The following ATP8A2 variants were observed in gnomAD, a reference collection of about 807,000 sequenced individuals.
The protein encoded by ATP8A2 is ATPase phospholipid transporting 8A2.
Under a neutral mutation model 165.6 loss-of-function variants are expected in ATP8A2, and 100 were observed. That is an observed-to-expected ratio of 0.60 (90% CI 0.51 to 0.71). ATP8A2 has a LOEUF of 0.71. ATP8A2 is among the 30% of genes least tolerant of loss of function. The pLI is 0.00. For missense variants in ATP8A2, 1,227 were observed against 1,479.5 expected (o/e 0.83, Z 2.80); for synonymous variants, 543 against 548.8 (o/e 0.99, Z 0.15).
chr13:25,792,072 C>T (rs1321829518), intron 27 of ATP8A2, among the ~76,000 whole-genome samples: 3 of 151,974 alleles, frequency 2.0e-5, no homozygotes, highest in African/African-American at 4.8e-5. Flanking sequence ...TATTTGTGTC[C>T]GTGAGTATGG....
chr13:25,410,647 A>C (rs987975913), intron 1 of ATP8A2, among the ~76,000 whole-genome samples: 4 of 152,242 alleles, frequency 2.6e-5, no homozygotes, highest in African/African-American at 9.6e-5. Context: ...CTTTGCAGTA[A>C]GGGCTGGAAG....
intron 15 of ATP8A2, among the ~76,000 whole-genome samples, chr13:25,561,986 A>G (rs1031915868): frequency 1.3e-5 from 2 of 152,216 alleles, no homozygotes; most frequent in African/African-American, 4.8e-5. Flanking sequence ...ATGCGATTGC[A>G]TGTATATGCC....
chr13:25,581,792 T>G, intron 22 of ATP8A2, 27 bp from the exon 23 acceptor site: 1 of 1,609,920 alleles, frequency 6.2e-7, no homozygotes, highest in Non-Finnish European at 8.5e-7. Flanking sequence ...GTGCCAATCT[T>G]TAACTGAGGA....
chr13:25,703,613 A>T (rs1308913693), intron 25 of ATP8A2, among the ~76,000 whole-genome samples: 1 of 152,206 alleles, frequency 6.6e-6, no homozygotes, highest in African/African-American at 2.4e-5. Context: ...GCCATAAAAA[A>T]AAATAAAGTA....
At chr13:25,940,907 T>A (rs554550759) in intron 33 of ATP8A2, among the ~76,000 whole-genome samples, 1 of 152,138 alleles carries the variant, frequency 6.6e-6, no homozygotes, top group Non-Finnish European at 1.5e-5. Context: ...CAACGTGGGT[T>A]GTCAGGAGGG....
chr13:25,879,709 C>A (rs1952922370), intron 33 of ATP8A2, among the ~76,000 whole-genome samples: 1 of 152,222 alleles, frequency 6.6e-6, no homozygotes, highest in African/African-American at 2.4e-5. Context: ...AGTGGTTCTT[C>A]AAGCAGATTT....
intron 33 of ATP8A2, among the ~76,000 whole-genome samples, chr13:25,943,400 A>G (rs1327592802): frequency 6.6e-6 from 1 of 152,204 alleles, no homozygotes; most frequent in African/African-American, 2.4e-5. Context: ...CCATATTTGT[A>G]CTGTACCTTT....
intron 1 of ATP8A2, among the ~76,000 whole-genome samples, chr13:25,416,681 C>G (rs1349751556): frequency 6.6e-6 from 1 of 152,178 alleles, no homozygotes; most frequent in African/African-American, 2.4e-5. Flanking sequence ...CCAAAGCCCT[C>G]AGGAAACATT....
chr13:25,417,314 T>A (rs2034160302), intron 1 of ATP8A2, among the ~76,000 whole-genome samples: 1 of 152,188 alleles, frequency 6.6e-6, no homozygotes, highest in African/African-American at 2.4e-5. Flanking sequence ...CCAGGAATGT[T>A]TGCTCTTATT....
intron 25 of ATP8A2, among the ~76,000 whole-genome samples, chr13:25,759,698 T>C (rs1402885351): frequency 1.3e-5 from 2 of 152,216 alleles, no homozygotes; most frequent in African/African-American, 4.8e-5. Flanking sequence ...CTAATATCTT[T>C]TATTTAAATC....
chr13:25,576,485 G>A (rs1344544938), intron 19 of ATP8A2, among the ~76,000 whole-genome samples: 1 of 152,126 alleles, frequency 6.6e-6, no homozygotes, highest in Non-Finnish European at 1.5e-5. Context: ...AGAATTCATA[G>A]GCGGTGGAGA....
intron 30 of ATP8A2, among the ~76,000 whole-genome samples, chr13:25,848,112 C>A (rs61949367): frequency 0.12 from 17,901 of 152,302 alleles, 1,439 homozygotes; most frequent in Non-Finnish European, 0.18. Flanking sequence ...AGCTCCGTGG[C>A]GCTACCTGGC....
intron 18 of ATP8A2, among the ~76,000 whole-genome samples, chr13:25,574,232 A>G (rs952577624): frequency 2.6e-5 from 4 of 152,378 alleles, no homozygotes; most frequent in African/African-American, 9.6e-5. Context: ...GAGACCAGGT[A>G]CAGATTCACC....
chr13:25,633,180 G>A (rs149606508), intron 24 of ATP8A2, among the ~76,000 whole-genome samples: 16 of 152,212 alleles, frequency 1.1e-4, no homozygotes, highest in African/African-American at 3.4e-4. Flanking sequence ...TTAGAGATCC[G>A]TTCTATTAAT....
At chr13:25,554,075 G>A (rs780518011) in intron 12 of ATP8A2, among the ~76,000 whole-genome samples, 155 bp downstream of exon 12, 2 of 152,198 alleles carry the variant, frequency 1.3e-5, no homozygotes, top group Admixed American at 6.5e-5. Context: ...GGGATCACCA[G>A]TGAGGGTGTT....
At chr13:25,751,874 C>T (rs1326159699) in intron 25 of ATP8A2, among the ~76,000 whole-genome samples, 3 of 150,776 alleles carry the variant, frequency 2.0e-5, no homozygotes, top group Non-Finnish European at 4.4e-5. Context: ...ATCATTTTCT[C>T]CTGAAGTTTT....
intron 2 of ATP8A2, among the ~76,000 whole-genome samples, chr13:25,526,954 C>T (rs900457139): frequency 3.3e-5 from 5 of 152,094 alleles, no homozygotes; most frequent in African/African-American, 9.7e-5. Context: ...AAATTTTCCA[C>T]GTGCTTGGTG....
At chr13:25,902,166 C>T (rs560084816) in intron 33 of ATP8A2, among the ~76,000 whole-genome samples, 8 of 152,246 alleles carry the variant, frequency 5.3e-5, no homozygotes, top group African/African-American at 1.9e-4. Flanking sequence ...CTCAACAGAT[C>T]TACAGGAAAC....
At chr13:25,705,212 G>T in intron 25 of ATP8A2, 1 of 424,408 alleles carries the variant, frequency 2.4e-6, no homozygotes, top group Non-Finnish European at 4.7e-6. Flanking sequence ...CAGACTACCA[G>T]GGGAGAGGAC....
Sources: allele counts gnomAD v4.1 joint callset (sites outside exome capture counted in the v4.1 genomes callset), GRCh38; gene constraint gnomAD v4.1.1; transcripts MANE v1.5; gene names NCBI Gene and HGNC (gene_info 2026-07-23, HGNC 2026-07-21).